Variants in UBE2O observed in about 807,000 individuals in gnomAD.
The protein encoded by UBE2O is (E3-independent) E2 ubiquitin-conjugating enzyme.
A neutral mutation model predicts 125.8 loss-of-function variants in UBE2O; 15 were observed. That is an observed-to-expected ratio of 0.12 (90% CI 0.08 to 0.18). The LOEUF (loss-of-function observed/expected upper bound fraction) is 0.18, where lower values mean the gene tolerates loss of function less well. UBE2O is among the 10% of genes least tolerant of loss of function. UBE2O has a pLI of 1.00. For synonymous variants in UBE2O, 708 were observed against 703.2 expected, an observed-to-expected ratio of 1.01 and a Z score of -0.11; for missense variants, 1,280 against 1,723.6, an observed-to-expected ratio of 0.74 and a Z score of 4.56.
chr17:76,448,519 C>T (rs2073184673), intron 1 of UBE2O, among the ~76,000 whole-genome samples: 1 of 152,232 alleles, frequency 6.6e-6, no homozygotes, highest in Non-Finnish European at 1.5e-5. Flanking sequence ...TTCACACACA[C>T]AGCTTCATAA....
chr17:76,390,715 TTTTC>T lies in UBE2O; in HGVS notation c.*224_*227del, dbSNP rs1228618068. Reference sequence around the variant, plus strand: ...TGGAAAATCGGCAACAGGGTTCCGATTTTCTTTGCCACAGGGGACCCGCCTGTTG... The same window carrying T: ...TGGAAAATCGGCAACAGGGTTCCGATTTTGCCACAGGGGACCCGCCTGTTG... On this transcript the variant is annotated 3_prime_UTR_variant, in exon 18 of 18. Coordinates refer to ENST00000319380, the MANE Select transcript of UBE2O (RefSeq NM_022066.4). 6.9e-5 allele frequency: 30 copies of T among 435,954 alleles called. No homozygotes were observed. The highest frequency in any genetic ancestry group is 1.1e-4 in the Non-Finnish European group (27 of 246,566). The allele number at this position is 435,954 out of a possible 1,614,324, so 27.0% of individuals were successfully genotyped here. A position where few individuals can be genotyped will look rare whatever the true frequency, so the allele number is the denominator to read the frequency against.
chr17:76,421,644 CG>C (rs1176363439), intron 1 of UBE2O, among the ~76,000 whole-genome samples: 1 of 152,194 alleles, frequency 6.6e-6, no homozygotes, highest in African/African-American at 2.4e-5. Flanking sequence ...GGATTACAGG[CG>C]TGAGCCACCA....
intron 1 of UBE2O, among the ~76,000 whole-genome samples, chr17:76,445,398 T>C (rs185557142): frequency 5.9e-5 from 9 of 152,306 alleles, no homozygotes. Flanking sequence ...CTGTGGCCTC[T>C]CTAAAAATGC....
At chr17:76,401,202 T>C (rs371614426) in intron 5 of UBE2O, 48 bp from the exon 6 acceptor site, 1 of 1,600,822 alleles carries the variant, frequency 6.2e-7, no homozygotes, top group South Asian at 1.1e-5. Context: ...GGTGTCTCCA[T>C]GGGTGACCAT....
chr17:76,404,663 T>C lies in UBE2O; in HGVS notation c.588+543A>G, dbSNP rs1402941098. 8.5e-5 allele frequency among the ~76,000 whole-genome samples: 13 copies of C among 152,198 alleles called. No homozygotes were observed. The highest frequency in any genetic ancestry group is 8.5e-4 in the Admixed American group (13 of 15,282). ...TATATGGTGGTTGCACAGGAGGCTG[T>C]CCTCATTTTTGGAAAACACACAAGA... On this transcript the variant is annotated intron_variant, in intron 3 of 17. Coordinates refer to ENST00000319380, the MANE Select transcript of UBE2O (RefSeq NM_022066.4). This position sits in a 1 kb window ranked among gnomAD's most constrained non-coding sequence, Gnocchi z 4.3.
In UBE2O at chr17:76,400,177, G is replaced by A. The variant is rs773500234; in HGVS notation, c.1125C>T (p.Cys375=). ...KIAWECPEKN[C]AQGEGSMAKK... is the part of the protein sequence containing the mutation. ...TGGCCATAGAGCCCTCCCCCTGGGC[G>A]CAGTTTTTTTCTGGACATTCCCAGG... Residue 375 remains cysteine, a synonymous_variant, in exon 8 of 18, where the codon TGC becomes TGT. Coordinates refer to ENST00000319380, the MANE Select transcript of UBE2O (RefSeq NM_022066.4). The surrounding 1 kb of genome is among the most constrained non-coding windows in gnomAD (Gnocchi z 4.3). The A allele has an allele frequency of 6.2e-6, 10 of 1,614,060 alleles. No homozygotes were observed. In the South Asian group the frequency reaches 7.7e-5, roughly 12 times the overall value.
chr17:76,400,969 G>C lies in UBE2O; in HGVS notation c.894+42C>G. The C allele has an allele frequency of 6.2e-7, 1 of 1,608,536 alleles. No individual in the cohort carries two copies. The highest frequency in any genetic ancestry group is 1.7e-5 in the Admixed American group (1 of 59,910). On this transcript the variant is annotated intron_variant, in intron 6 of 17. Transcript: ENST00000319380. The surrounding 1 kb of genome is among the most constrained non-coding windows in gnomAD (Gnocchi z 4.3). ...GGCAGCAGCTCAGCTCCAGGGTGTG[G>C]AGGTCAAGGACTCCATCTCCTACCC...
At chr17:76,426,488 A>AT in intron 1 of UBE2O, among the ~76,000 whole-genome samples, 1 of 152,026 alleles carries the variant, frequency 6.6e-6, no homozygotes, top group Non-Finnish European at 1.5e-5. Context: ...TGGCTACCAT[A>AT]TTTTTTCTTT....
In UBE2O at chr17:76,425,324, T is replaced by C. The variant is rs185663233; in HGVS notation, c.418-19752A>G. On this transcript the variant is annotated intron_variant, in intron 1 of 17. Transcript: ENST00000319380. ...GCTCATATTGTATTTTTTTAAATAA[T>C]AGTTTAGCTTAATTGTATCAAAACA... 5.3e-5 allele frequency among the ~76,000 whole-genome samples: 8 copies of C among 150,882 alleles called. No homozygotes were observed. In the East Asian group the frequency reaches 1.2e-3, roughly 22 times the overall value.
Position 76,400,943 on chromosome 17 carries a change from G to A in UBE2O, c.894+68C>T. 6.3e-7 allele frequency: 1 copy of A among 1,576,852 alleles called. No homozygotes were observed. Among genetic ancestry groups the A allele is most frequent in the East Asian group, 2.3e-5 (1 of 44,306 alleles). On this transcript the variant is annotated intron_variant, in intron 6 of 17. Coordinates refer to ENST00000319380, the MANE Select transcript of UBE2O (RefSeq NM_022066.4). This position sits in a 1 kb window ranked among gnomAD's most constrained non-coding sequence, Gnocchi z 4.3. ...CAACCCTCAAGAGCAGGAAGGAAAGGGGCAGCAGCTCAGCTCCAGGGTGTG... is the reference window on the plus strand; with the variant it reads ...CAACCCTCAAGAGCAGGAAGGAAAGAGGCAGCAGCTCAGCTCCAGGGTGTG...
chr17:76,430,838 C>A, intron 1 of UBE2O: 1 of 377,268 alleles, frequency 2.7e-6, no homozygotes, highest in Non-Finnish European at 5.1e-6. Flanking sequence ...ACCACTGATA[C>A]CTCTGACCCT....
At chr17:76,414,288 G>A (rs1340946374) in intron 1 of UBE2O, among the ~76,000 whole-genome samples, 2 of 152,228 alleles carry the variant, frequency 1.3e-5, no homozygotes, top group Non-Finnish European at 2.9e-5. Context: ...AATAGTTTTT[G>A]AGTGTTTTCT....
At position 76,391,052 on chromosome 17, in the gene UBE2O, G is replaced by A; in HGVS notation, c.3770C>T (p.Pro1257Leu). The change falls in exon 18 of 18, where the codon CCC (proline) becomes CTC (leucine). Residue 1257 changes from proline (P) to leucine (L), a missense_variant. By Grantham distance (98) the Pro-to-Leu change is moderately conservative. Coordinates refer to ENST00000319380, the MANE Select transcript of UBE2O (RefSeq NM_022066.4). This position sits in a 1 kb window ranked among gnomAD's most constrained non-coding sequence, Gnocchi z 8.4. Reference protein sequence around the residue: ...EKSGYPDIGFPLFPLSKGFIK... With the variant: ...EKSGYPDIGFLLFPLSKGFIK... ...GAAACCCTTGGAAAGTGGGAAGAGGGGGAAGCCGATGTCAGGGTAGCCACT... is the reference window on the plus strand; with the variant it reads ...GAAACCCTTGGAAAGTGGGAAGAGGAGGAAGCCGATGTCAGGGTAGCCACT... 2 of 1,614,040 alleles carry A rather than the reference G, an allele frequency of 1.2e-6. No homozygotes were observed. The highest frequency in any genetic ancestry group is 1.7e-6 in the Non-Finnish European group (2 of 1,180,032).
chr17:76,413,994 C>A (rs192631453), intron 1 of UBE2O, among the ~76,000 whole-genome samples: 15 of 152,308 alleles, frequency 9.8e-5, no homozygotes, highest in Middle Eastern at 3.4e-3. Flanking sequence ...TCAGTAATTC[C>A]GGCTGGTGCC....
At position 76,452,954 on chromosome 17, in the gene UBE2O, T is replaced by C; in HGVS notation, c.188A>G (p.His63Arg). ...ACGGTAACGGCCCGACACCAGGTCG[T>C]GAGAAAACAGCAGGCGCTGCGAGCC... The part of the protein sequence containing the change: ...EAGSQRLLFS[H>R]DLVSGRYRGS... The change falls in exon 1 of 18, where the codon CAC (histidine) becomes CGC (arginine). Residue 63 changes from histidine to arginine, a missense_variant. By Grantham distance (29) the His-to-Arg change is conservative. This residue lies in a region of UBE2O where 188 missense variants were observed against 192.5 expected (regional missense o/e 0.98). Coordinates refer to ENST00000319380, the MANE Select transcript of UBE2O (RefSeq NM_022066.4). The surrounding 1 kb of genome is among the most constrained non-coding windows in gnomAD (Gnocchi z 4.4). 1.3e-6 allele frequency: 2 copies of C among 1,496,204 alleles called. No individual in the cohort carries two copies. The highest frequency in any genetic ancestry group is 1.8e-6 in the Non-Finnish European group (2 of 1,122,638). 92.7% of individuals were successfully genotyped at this position (1,496,204 alleles called of 1,614,324 possible).
rs1013494996 is a variant in UBE2O at position 76,389,999 on chromosome 17, C to T, written c.*944G>A. ...TGTCTCTGGGCACTAGGAGAGCCCC[C>T]GCCGGCCGTCCCCTTCGGATTGAGC... On this transcript the variant is annotated 3_prime_UTR_variant, in exon 18 of 18. Transcript: ENST00000319380. 6.6e-6 allele frequency: 1 copy of T among 152,542 alleles called. No homozygotes were observed. The highest frequency in any genetic ancestry group is 2.4e-5 in the African/African-American group (1 of 41,426). The allele number at this position is 152,542 out of a possible 1,614,324, so 9.4% of individuals were successfully genotyped here.
chr17:76,396,915 G>A lies in UBE2O; in HGVS notation c.2116-94C>T. The stretch of plus-strand genomic sequence containing the variant: ...CTGGGGATCCCTGATCCGCACAGCT[G>A]ATGGCGACTGGGCTCATGAGGCCTT... On this transcript the variant is annotated intron_variant, in intron 13 of 17. Coordinates refer to ENST00000319380, the MANE Select transcript of UBE2O (RefSeq NM_022066.4). This position sits in a 1 kb window ranked among gnomAD's most constrained non-coding sequence, Gnocchi z 6.7. 2 of 1,155,610 alleles carry A rather than the reference G, an allele frequency of 1.7e-6. No homozygotes were observed. Among genetic ancestry groups the A allele is most frequent in the Non-Finnish European group, 2.4e-6 (2 of 825,478 alleles). 71.6% of individuals were successfully genotyped at this position (1,155,610 alleles called of 1,614,324 possible). A position where few individuals can be genotyped will look rare whatever the true frequency, so the allele number is the denominator to read the frequency against.
rs765064091 is a variant in UBE2O, at chr17:76,399,616, G to A, written c.1461C>T (p.Asp487=). The A allele has an allele frequency of 6.2e-7, 1 of 1,614,232 alleles. No individual in the cohort carries two copies. Residue 487 remains aspartate, a synonymous_variant, in exon 9 of 18, where the codon GAC becomes GAT. Coordinates refer to ENST00000319380, the MANE Select transcript of UBE2O (RefSeq NM_022066.4). This position sits in a 1 kb window ranked among gnomAD's most constrained non-coding sequence, Gnocchi z 6.9. ...AGGTCACCGAACTGGTGTCGTCCGT[G>A]TCATCAGCAGCCTCATCATCTGCGT... is the stretch of plus-strand genomic sequence containing the variant. ...EQDADDEAAD[D]TDDTSSVTSS... is the part of the protein sequence containing the mutation.
chr17:76,440,977 G>A (rs2073069284), intron 1 of UBE2O, among the ~76,000 whole-genome samples: 2 of 152,210 alleles, frequency 1.3e-5, no homozygotes, highest in South Asian at 2.1e-4. Context: ...GGGGGCACCC[G>A]TGTAGTCAGT....
Sources: gnomAD v4.1 joint callset for allele counts (sites outside exome capture counted in the v4.1 genomes callset) on GRCh38, gnomAD v4.1.1 for gene constraint, gnomAD v4.1.1 regional missense constraint, Gnocchi (gnomAD v3.1) non-coding constraint, MANE v1.5 for transcripts, NCBI Gene and HGNC (gene_info 2026-07-23, HGNC 2026-07-21) for gene names.